Variants in RBM47 observed in about 807,000 individuals in gnomAD.
RBM47 encodes RNA binding motif protein 47.
Under a neutral mutation model 47.1 loss-of-function variants are expected in RBM47, and 21 were observed. That is an observed-to-expected ratio of 0.45 (90% CI 0.32 to 0.64). The LOEUF (loss-of-function observed/expected upper bound fraction) is 0.64, where lower values mean the gene tolerates loss of function less well. RBM47 is among the 30% of genes least tolerant of loss of function. The pLI is 0.05. For missense variants in RBM47, 708 were observed against 870.9 expected, an observed-to-expected ratio of 0.81 and a Z score of 2.35; for synonymous variants, 375 against 361.7, an observed-to-expected ratio of 1.04 and a Z score of -0.42.
chr4:40,557,433 A>T (rs1730204822), intron 1 of RBM47, among the ~76,000 whole-genome samples: 1 of 152,192 alleles, frequency 6.6e-6, no homozygotes, highest in South Asian at 2.1e-4. Flanking sequence ...AGCACCTGCC[A>T]CATCCTAGTA....
chr4:40,445,539 C>T (rs17586863), intron 3 of RBM47, among the ~76,000 whole-genome samples: 2,657 of 152,296 alleles, frequency 0.017, 42 homozygotes, highest in East Asian at 0.051. Flanking sequence ...ACTGTGCTAG[C>T]TATGGTGGAC....
intron 2 of RBM47, among the ~76,000 whole-genome samples, chr4:40,524,191 G>A (rs1178563897): frequency 6.6e-6 from 1 of 152,092 alleles, no homozygotes; most frequent in East Asian, 1.9e-4. Context: ...CTGTGTACTA[G>A]ACACAGTGCT....
intron 2 of RBM47, among the ~76,000 whole-genome samples, chr4:40,540,609 G>A (rs1728418561): frequency 6.8e-6 from 1 of 146,294 alleles, no homozygotes; most frequent in Admixed American, 6.9e-5. Flanking sequence ...ATTGACTCCA[G>A]CCTAGGTAAC....
At chr4:40,497,021 A>G (rs1323977593) in intron 2 of RBM47, among the ~76,000 whole-genome samples, 1 of 148,966 alleles carries the variant, frequency 6.7e-6, no homozygotes, top group Admixed American at 6.8e-5. Flanking sequence ...AGCCCAGGCA[A>G]CAAGAGCAAA....
At chr4:40,610,180 G>A (rs1199359390) in intron 1 of RBM47, among the ~76,000 whole-genome samples, 3 of 152,010 alleles carry the variant, frequency 2.0e-5, no homozygotes, top group Admixed American at 6.6e-5. Flanking sequence ...GTTCAACTCC[G>A]AGTTCTGCCC....
At position 40,503,834 on chromosome 4, in the gene RBM47, AAGACAATAGGG is replaced by A. The variant is rs565740727; in HGVS notation, c.-154-37146_-154-37136del. Among the ~76,000 whole-genome samples, 26 of 152,090 alleles carry A rather than the reference AAGACAATAGGG, an allele frequency of 1.7e-4. No homozygotes were observed. In the South Asian group the frequency reaches 5.4e-3, roughly 32 times the overall value. On this transcript the variant is annotated intron_variant, in intron 2 of 6. Transcript: ENST00000295971. ...AGGTATGGCCAGAGATTTCATATTA[AAGACAATAGGG>A]ACGCAAAAGAGGACACGGAAATAAG...
At chr4:40,545,711 A>G (rs1453871556) in intron 1 of RBM47, among the ~76,000 whole-genome samples, 1 of 150,926 alleles carries the variant, frequency 6.6e-6, no homozygotes, top group Non-Finnish European at 1.5e-5. Context: ...ATAAAAGAGA[A>G]AGAGAGGGAG....
intron 1 of RBM47, among the ~76,000 whole-genome samples, chr4:40,609,833 A>T (rs1736097153): frequency 1.3e-5 from 2 of 151,200 alleles, no homozygotes; most frequent in African/African-American, 4.9e-5. Flanking sequence ...TGTGGCTCAC[A>T]CCTGTAATCC....
chr4:40,456,748 C>A (rs918664454), intron 3 of RBM47, among the ~76,000 whole-genome samples: 27 of 151,844 alleles, frequency 1.8e-4, no homozygotes, highest in Non-Finnish European at 2.4e-4. Flanking sequence ...CAGGTCCTCA[C>A]CACCACGCCT....
intron 1 of RBM47, among the ~76,000 whole-genome samples, chr4:40,558,777 G>A (rs1233290596): frequency 1.3e-5 from 2 of 150,738 alleles, no homozygotes; most frequent in Non-Finnish European, 2.9e-5. Flanking sequence ...GTAGTGGGCC[G>A]AGATCGTGCC....
Position 40,528,148 on chromosome 4 carries a change from C to T in RBM47, c.-155+16274G>A, listed in dbSNP as rs554371243. On this transcript the variant is annotated intron_variant, in intron 2 of 6. Transcript: ENST00000295971. The stretch of plus-strand genomic sequence containing the variant: ...ATGTTTTGGGCCAGGTGTGGTGGCT[C>T]ATGCCTGTAATCCCAGCACTTTGGG... Among the ~76,000 whole-genome samples, 50 of 152,290 alleles carry T rather than the reference C, an allele frequency of 3.3e-4. No individual in the cohort carries two copies. The South Asian group carries it at 5.0e-3, about 15-fold the overall frequency.
intron 1 of RBM47, among the ~76,000 whole-genome samples, chr4:40,566,003 G>T (rs542039827): frequency 6.6e-6 from 1 of 152,088 alleles, no homozygotes; most frequent in South Asian, 2.1e-4. Context: ...AGGAGGTTAA[G>T]GCTGCAGTGA....
At chr4:40,448,982 G>T (rs1439843647) in intron 3 of RBM47, among the ~76,000 whole-genome samples, 1 of 152,142 alleles carries the variant, frequency 6.6e-6, no homozygotes, top group African/African-American at 2.4e-5. Context: ...TCCAAGATTT[G>T]GCCTTACCCT....
chr4:40,471,141 C>T (rs1718801759), intron 2 of RBM47, among the ~76,000 whole-genome samples: 1 of 152,200 alleles, frequency 6.6e-6, no homozygotes, highest in Non-Finnish European at 1.5e-5. Flanking sequence ...AGTCAAATAA[C>T]TAAGTTCTAG....
At chr4:40,443,436 G>A (rs1713981146) in intron 3 of RBM47, among the ~76,000 whole-genome samples, 1 of 151,778 alleles carries the variant, frequency 6.6e-6, no homozygotes, top group Non-Finnish European at 1.5e-5. Context: ...TGATACACTG[G>A]GCTGGGCACA....
chr4:40,453,007 C>A (rs1448801143), intron 3 of RBM47, among the ~76,000 whole-genome samples: 1 of 151,904 alleles, frequency 6.6e-6, no homozygotes, highest in Admixed American at 6.6e-5. Context: ...CTGCACCCAG[C>A]TAATTTTTGT....
chr4:40,610,811 G>T (rs1377559504), intron 1 of RBM47, among the ~76,000 whole-genome samples: 1 of 152,044 alleles, frequency 6.6e-6, no homozygotes, highest in African/African-American at 2.4e-5. Flanking sequence ...GTGAATAAGT[G>T]TCACCAGATC....
At chr4:40,616,874 CT>C (rs1300005872) in intron 1 of RBM47, among the ~76,000 whole-genome samples, 46 of 111,664 alleles carry the variant, frequency 4.1e-4, no homozygotes, top group East Asian at 1.1e-3. Context: ...ATTTTCTTTT[CT>C]TTTTTTTTTT....
At chr4:40,442,234 T>A (rs765231208) in intron 3 of RBM47, among the ~76,000 whole-genome samples, 1 of 152,344 alleles carries the variant, frequency 6.6e-6, no homozygotes, top group East Asian at 1.9e-4. Flanking sequence ...CAGCCAGACA[T>A]TGATTAATGC....
Sources: gnomAD v4.1 joint callset for allele counts (sites outside exome capture counted in the v4.1 genomes callset) on GRCh38, gnomAD v4.1.1 for gene constraint, MANE v1.5 for transcripts, NCBI Gene and HGNC (gene_info 2026-07-23, HGNC 2026-07-21) for gene names.